Variants in OR6J1 observed in about 807,000 individuals in gnomAD.
The protein encoded by OR6J1 is olfactory receptor family 6 subfamily J member 1, also known as olfactory receptor 6J1.
For missense variants in OR6J1, 304 were observed against 166.8 expected, an observed-to-expected ratio of 1.82 and a Z score of -4.53; for synonymous variants, 109 against 70.0, an observed-to-expected ratio of 1.56 and a Z score of -2.78.
rs1169777745 is a variant in OR6J1, at chr14:22,633,573, A to C, written c.*195T>G. 4 of 566,518 alleles carry C rather than the reference A, an allele frequency of 7.1e-6. No homozygotes were observed. The highest frequency in any genetic ancestry group is 1.2e-5 in the Non-Finnish European group (4 of 321,624). The allele number at this position is 566,518 out of a possible 1,614,324, so 35.1% of individuals were successfully genotyped here. A position where few individuals can be genotyped will look rare whatever the true frequency, so the allele number is the denominator to read the frequency against. The stretch of plus-strand genomic sequence containing the variant: ...TCAGTGTGGATGGGGCTTAGAGATC[A>C]TCAAGTCCAGCCCTGTTGCACTTCA... On this transcript the variant is annotated 3_prime_UTR_variant, in exon 2 of 2. Transcript: ENST00000540461.
chr14:22,639,346 G>A (rs1594903166), intron 1 of OR6J1, among the ~76,000 whole-genome samples: 3 of 124,180 alleles, frequency 2.4e-5, no homozygotes, highest in South Asian at 2.4e-4. Flanking sequence ...CAGCCACCCC[G>A]TCCGGGAGGG....
Position 22,641,421 on chromosome 14 carries a change from G to GGA in OR6J1, c.-28+2676_-28+2677insTC, listed in dbSNP as rs1555311025. The stretch of plus-strand genomic sequence containing the variant: ...AGAAAGGAAGGATGGAAGGAAGGAA[G>GGA]AGAAAGAAAGAAAGAATGAAAGAGA... On this transcript the variant is annotated intron_variant, in intron 1 of 1. Coordinates refer to ENST00000540461, the MANE Select transcript of OR6J1 (RefSeq NM_001348233.2). 3.3e-5 allele frequency among the ~76,000 whole-genome samples: 4 copies of GGA among 121,002 alleles called. 1 individual carries two copies. Among genetic ancestry groups the GGA allele is most frequent in the Admixed American group, 9.1e-5 (1 of 10,968 alleles). 79.4% of individuals were successfully genotyped at this position (121,002 alleles called of 152,430 possible). A position where few individuals can be genotyped will look rare whatever the true frequency, so the allele number is the denominator to read the frequency against.
At chr14:22,636,606 G>T (rs1354658551) in intron 1 of OR6J1, among the ~76,000 whole-genome samples, 1 of 120,036 alleles carries the variant, frequency 8.3e-6, no homozygotes, top group Non-Finnish European at 1.7e-5. Flanking sequence ...GGTGGAGACG[G>T]GGTTTTGCTG....
chr14:22,638,901 C>G (rs1594902991), intron 1 of OR6J1, among the ~76,000 whole-genome samples: 1 of 111,262 alleles, frequency 9.0e-6, no homozygotes, highest in East Asian at 2.3e-4. Context: ...CAGCCGCCAT[C>G]ACATCTAGGA....
chr14:22,642,417 C>A (rs542877438), intron 1 of OR6J1, among the ~76,000 whole-genome samples: 38 of 150,252 alleles, frequency 2.5e-4, no homozygotes, highest in African/African-American at 9.1e-4. Context: ...CAGCTCACTG[C>A]AACCTCCACC....
At chr14:22,643,344 G>A (rs1232964549) in intron 1 of OR6J1, among the ~76,000 whole-genome samples, 1 of 151,676 alleles carries the variant, frequency 6.6e-6, no homozygotes, top group Non-Finnish European at 1.5e-5. Flanking sequence ...CACCCAGGCT[G>A]GAGTGCAGTG....
chr14:22,643,037 T>A (rs2037663227), intron 1 of OR6J1, among the ~76,000 whole-genome samples: 1 of 149,442 alleles, frequency 6.7e-6, no homozygotes, highest in East Asian at 2.0e-4. Context: ...GTGCAATCTC[T>A]GGTCACTGCA....
chr14:22,639,359 A>G (rs1310387697), intron 1 of OR6J1, among the ~76,000 whole-genome samples: 2 of 96,664 alleles, frequency 2.1e-5, no homozygotes, highest in Non-Finnish European at 2.0e-5. Flanking sequence ...CGGGAGGGAG[A>G]TGGGGGGGTC....
intron 1 of OR6J1, among the ~76,000 whole-genome samples, chr14:22,643,760 CACACAGAG>C (rs1280934308): frequency 3.0e-3 from 191 of 62,934 alleles, no homozygotes; most frequent in African/African-American, 4.7e-3. Context: ...CACACACACA[CACACAGAG>C]AGAGAGAGAG....
chr14:22,639,205 G>A lies in OR6J1; in HGVS notation c.-27-4367C>T, dbSNP rs377156635. 3.2e-4 allele frequency among the ~76,000 whole-genome samples: 38 copies of A among 120,544 alleles called. 2 individuals carry two copies. The highest frequency in any genetic ancestry group is 1.5e-3 in the East Asian group (7 of 4,784). 79.1% of individuals were successfully genotyped at this position (120,544 alleles called of 152,430 possible). A position where few individuals can be genotyped will look rare whatever the true frequency, so the allele number is the denominator to read the frequency against. ...TGGGAAGTGAGGAGCGTCTCCGCCC[G>A]GCAGCCACCCCGTCCGGGAGGGAGG... On this transcript the variant is annotated intron_variant, in intron 1 of 1. Coordinates refer to ENST00000540461, the MANE Select transcript of OR6J1 (RefSeq NM_001348233.2).
chr14:22,634,926 C>T (rs1208102669), intron 1 of OR6J1, 88 bp from the exon 2 acceptor site: 5 of 587,020 alleles, frequency 8.5e-6, no homozygotes, highest in African/African-American at 7.4e-5. Context: ...GAACATAGAA[C>T]ATGATGACTG....
At chr14:22,642,723 A>C (rs1417533732) in intron 1 of OR6J1, among the ~76,000 whole-genome samples, 1 of 152,128 alleles carries the variant, frequency 6.6e-6, no homozygotes, top group East Asian at 1.9e-4. Context: ...TATTCTGGAC[A>C]TTTCATATAA....
chr14:22,641,554 T>TAA (rs1229170454), intron 1 of OR6J1, among the ~76,000 whole-genome samples: 55 of 114,202 alleles, frequency 4.8e-4, no homozygotes, highest in East Asian at 2.0e-3. Context: ...AAGGAAGAAA[T>TAA]AAAGAAAAAG....
In OR6J1 at chr14:22,639,545, C is replaced by CG. The variant is rs1218967795; in HGVS notation, c.-28+4552dup. Among the ~76,000 whole-genome samples the CG allele has an allele frequency of 1.6e-5, 2 of 122,964 alleles. 1 individual carries two copies. The highest frequency in any genetic ancestry group is 3.3e-5 in the Non-Finnish European group (2 of 60,334). The allele number at this position is 122,964 out of a possible 152,430, so 80.7% of individuals were successfully genotyped here. A position where few individuals can be genotyped will look rare whatever the true frequency, so the allele number is the denominator to read the frequency against. On this transcript the variant is annotated intron_variant, in intron 1 of 1. Transcript: ENST00000540461. ...ATGGCGGCTTTGTGGAATAGAAAGG[C>CG]GGGAAAGGTGGGGAAAAGATTGAGA...
chr14:22,641,210 TAAGAAAGAAAGAAAGAAAG>T lies in OR6J1; in HGVS notation c.-28+2869_-28+2887del, dbSNP rs1363190899. On this transcript the variant is annotated intron_variant, in intron 1 of 1. Coordinates refer to ENST00000540461, the MANE Select transcript of OR6J1 (RefSeq NM_001348233.2). Reference sequence around the variant, plus strand: ...AGAGAGACAGAGAGGGAGAGAAAGATAAGAAAGAAAGAAAGAAAGAAAGAAAGAAAGAAAGAAAGAAAGA... The same window carrying T: ...AGAGAGACAGAGAGGGAGAGAAAGATAAAGAAAGAAAGAAAGAAAGAAAGA... Among the ~76,000 whole-genome samples, 30 of 122,586 alleles carry T rather than the reference TAAGAAAGAAAGAAAGAAAG, an allele frequency of 2.4e-4. 4 individuals carry two copies. Among genetic ancestry groups the T allele is most frequent in the African/African-American group, 5.0e-4 (16 of 32,166 alleles). 80.4% of individuals were successfully genotyped at this position (122,586 alleles called of 152,430 possible).
intron 1 of OR6J1, among the ~76,000 whole-genome samples, chr14:22,641,447 GAGAA>G (rs1195791218): frequency 0.011 from 515 of 48,158 alleles, 12 homozygotes; most frequent in Middle Eastern, 0.024. Flanking sequence ...ATGAAAGAGA[GAGAA>G]AGAAAGAAAG....
chr14:22,640,285 GGAAA>G (rs2037635162), intron 1 of OR6J1, among the ~76,000 whole-genome samples: 2 of 74,018 alleles, frequency 2.7e-5, no homozygotes, highest in African/African-American at 4.5e-5. Context: ...AAGGAAGGAA[GGAAA>G]GGGGGAAGGG....
intron 1 of OR6J1, among the ~76,000 whole-genome samples, chr14:22,636,545 C>A (rs1214081856): frequency 1.8e-5 from 2 of 113,412 alleles, no homozygotes; most frequent in Admixed American, 7.9e-5. Flanking sequence ...TGAGTGCCTG[C>A]GATTGCAGGC....
At chr14:22,635,631 C>G (rs2037578213) in intron 1 of OR6J1, among the ~76,000 whole-genome samples, 1 of 152,118 alleles carries the variant, frequency 6.6e-6, no homozygotes, top group Admixed American at 6.6e-5. Flanking sequence ...CACAAATATA[C>G]ATAAAAATGA....
Sources: gnomAD v4.1 joint callset for allele counts (sites outside exome capture counted in the v4.1 genomes callset) on GRCh38, gnomAD v4.1.1 for gene constraint, MANE v1.5 for transcripts, NCBI Gene and HGNC (gene_info 2026-07-23, HGNC 2026-07-21) for gene names.